The following CACNA2D3 variants were observed in gnomAD, a reference collection of about 807,000 sequenced individuals.
CACNA2D3 encodes the protein voltage-dependent calcium channel subunit alpha-2/delta-3.
Under a neutral mutation model 160.6 loss-of-function variants are expected in CACNA2D3, and 60 were observed. The ratio of observed to expected loss-of-function variants is 0.37; its 90% CI spans 0.30 to 0.46. CACNA2D3 has a LOEUF of 0.46. CACNA2D3 is among the 20% of genes least tolerant of loss of function. The probability of loss-of-function intolerance (pLI) is 1.00; values close to 1 mark genes in which losing one functional copy is unlikely to be tolerated. For missense variants in CACNA2D3, 1,205 were observed against 1,365.0 expected (o/e 0.88, Z 1.85); for synonymous variants, 558 against 492.9 (o/e 1.13, Z -1.75).
chr3:54,350,313 A>G (rs953915894), intron 3 of CACNA2D3, among the ~76,000 whole-genome samples: 1 of 152,202 alleles, frequency 6.6e-6, no homozygotes, highest in Non-Finnish European at 1.5e-5. Context: ...TATTTCAGAT[A>G]AGTATATTTT....
intron 2 of CACNA2D3, among the ~76,000 whole-genome samples, chr3:54,232,889 C>G (rs1287356805): frequency 2.0e-5 from 3 of 152,202 alleles, no homozygotes; most frequent in African/African-American, 7.2e-5. Flanking sequence ...TTGATCTCCA[C>G]TGGGTGCTGG....
chr3:54,861,438 G>C (rs1008683339), intron 17 of CACNA2D3, among the ~76,000 whole-genome samples: 4 of 152,158 alleles, frequency 2.6e-5, no homozygotes. Context: ...AAAGAGGCCA[G>C]AACAGCAAGC....
chr3:54,717,123 C>G (rs992280606), intron 11 of CACNA2D3, among the ~76,000 whole-genome samples: 1 of 152,126 alleles, frequency 6.6e-6, no homozygotes, highest in Non-Finnish European at 1.5e-5. Context: ...TGGTTTCTTT[C>G]ACTCAGTGAC....
At chr3:54,789,870 G>A (rs768195642) in intron 13 of CACNA2D3, 3 of 517,632 alleles carry the variant, frequency 5.8e-6, no homozygotes, top group South Asian at 2.8e-5. Context: ...GTCAGGCCGA[G>A]CAAGTTAAGG....
chr3:54,538,490 G>A (rs1188426667), intron 5 of CACNA2D3, among the ~76,000 whole-genome samples: 1 of 152,116 alleles, frequency 6.6e-6, no homozygotes, highest in Non-Finnish European at 1.5e-5. Context: ...GAGCACCCTT[G>A]CCCCTTCACA....
At position 54,183,892 on chromosome 3, in the gene CACNA2D3, G is replaced by GAAAA. The variant is rs58956795; in HGVS notation, c.204+60323_204+60326dup. ...AAAAGCGAAACTCCGTCTCAAAAAA[G>GAAAA]AAAAAAAAAAAAAAAAAAAAAAAAA... is the stretch of plus-strand genomic sequence containing the variant. On this transcript the variant is annotated intron_variant, in intron 2 of 37. Transcript: ENST00000474759. 3.0e-4 allele frequency among the ~76,000 whole-genome samples: 24 copies of GAAAA among 80,798 alleles called. 1 individual carries two copies. Among genetic ancestry groups the GAAAA allele is most frequent in the South Asian group, 1.2e-3 (2 of 1,706 alleles). The allele number at this position is 80,798 out of a possible 152,430, so 53.0% of individuals were successfully genotyped here.
At chr3:54,188,402 C>T (rs1323664264) in intron 2 of CACNA2D3, among the ~76,000 whole-genome samples, 1 of 152,172 alleles carries the variant, frequency 6.6e-6, no homozygotes, top group African/African-American at 2.4e-5. Flanking sequence ...TAAATCCTTC[C>T]TTGGTGGTTC....
Position 54,897,741 on chromosome 3 carries a change from G to T in CACNA2D3, c.2368+871G>T, listed in dbSNP as rs143881884. 3.5e-3 allele frequency among the ~76,000 whole-genome samples: 538 copies of T among 152,250 alleles called. 4 individuals carry two copies. Among genetic ancestry groups the T allele is most frequent in the African/African-American group, 0.012 (499 of 41,544 alleles). On this transcript the variant is annotated intron_variant, in intron 26 of 37. Coordinates refer to ENST00000474759, the MANE Select transcript of CACNA2D3 (RefSeq NM_018398.3). ...TTTGTGCCCAATCCCCCTCCCTAAG[G>T]CTTGGTGCTTTGTCATTTCCATGAC...
chr3:54,141,147 G>A (rs1277764411), intron 2 of CACNA2D3, among the ~76,000 whole-genome samples: 1 of 149,470 alleles, frequency 6.7e-6, no homozygotes, highest in East Asian at 2.0e-4. Context: ...TAGACTCATG[G>A]TTGTTTAGAT....
chr3:54,408,306 A>G (rs1283714722), intron 4 of CACNA2D3, among the ~76,000 whole-genome samples: 2 of 152,174 alleles, frequency 1.3e-5, no homozygotes, highest in Admixed American at 6.5e-5. Context: ...CTCCAAGCAC[A>G]GAGAACACAT....
chr3:54,262,767 T>A (rs1172768552), intron 2 of CACNA2D3, among the ~76,000 whole-genome samples: 1 of 152,192 alleles, frequency 6.6e-6, no homozygotes, highest in African/African-American at 2.4e-5. Flanking sequence ...ATTACTCAAG[T>A]AATTATGGTT....
rs1246569762 is a variant in CACNA2D3, at chr3:54,687,134, TGTTTTTTTTTTTTTTTG to T, written c.1167+44894_1167+44910del. ...CTTTTTCTTTTTCTTTTTTTTTTTT[TGTTTTTTTTTTTTTTTG>T]TTTTTTTGACACTGGGCCTCACCCT... is the stretch of plus-strand genomic sequence containing the variant. On this transcript the variant is annotated intron_variant, in intron 11 of 37. Coordinates refer to ENST00000474759, the MANE Select transcript of CACNA2D3 (RefSeq NM_018398.3). Among the ~76,000 whole-genome samples, 120 of 58,422 alleles carry T rather than the reference TGTTTTTTTTTTTTTTTG, an allele frequency of 2.1e-3. 4 individuals are homozygous for T. Among genetic ancestry groups the T allele is most frequent in the Middle Eastern group, 0.02 (3 of 150 alleles). The allele number at this position is 58,422 out of a possible 152,430, so 38.3% of individuals were successfully genotyped here. A position where few individuals can be genotyped will look rare whatever the true frequency, so the allele number is the denominator to read the frequency against.
chr3:54,502,157 G>C (rs1195399660), intron 4 of CACNA2D3, among the ~76,000 whole-genome samples: 1 of 152,110 alleles, frequency 6.6e-6, no homozygotes, highest in Non-Finnish European at 1.5e-5. Flanking sequence ...CAACTTCCTT[G>C]ATCTGTAGCT....
intron 11 of CACNA2D3, among the ~76,000 whole-genome samples, chr3:54,726,167 A>G (rs1308914596): frequency 6.6e-6 from 1 of 152,156 alleles, no homozygotes; most frequent in Non-Finnish European, 1.5e-5. Context: ...CACAATTGCT[A>G]CTAAGAGAAT....
intron 2 of CACNA2D3, among the ~76,000 whole-genome samples, chr3:54,231,218 G>A (rs777867405): frequency 2.6e-5 from 4 of 152,244 alleles, no homozygotes; most frequent in East Asian, 1.9e-4. Flanking sequence ...TATTACTGCC[G>A]CATGTCTGAG....
chr3:54,540,204 T>G (rs1316837965), intron 5 of CACNA2D3, among the ~76,000 whole-genome samples: 2 of 152,184 alleles, frequency 1.3e-5, no homozygotes, highest in Non-Finnish European at 2.9e-5. Flanking sequence ...ATGGAAATAA[T>G]GATTTCCTGC....
In CACNA2D3 at chr3:54,651,991, A is replaced by G. The variant is rs566835487; in HGVS notation, c.1167+9750A>G. ...CTGCATTGTTCTCTTCTCTGACTTT[A>G]AAATCATTTTACAAAGCATTTTCTT... On this transcript the variant is annotated intron_variant, in intron 11 of 37. Coordinates refer to ENST00000474759, the MANE Select transcript of CACNA2D3 (RefSeq NM_018398.3). Among the ~76,000 whole-genome samples the G allele has an allele frequency of 2.0e-5, 3 of 152,124 alleles. No individual in the cohort carries two copies. The East Asian group carries it at 5.8e-4, about 29-fold the overall frequency.
At chr3:54,613,604 C>G (rs1439159079) in intron 9 of CACNA2D3, among the ~76,000 whole-genome samples, 1 of 152,216 alleles carries the variant, frequency 6.6e-6, no homozygotes, top group Non-Finnish European at 1.5e-5. Context: ...CATCTTACCT[C>G]TGAGTCTTAA....
At chr3:54,242,283 C>T (rs1337210379) in intron 2 of CACNA2D3, among the ~76,000 whole-genome samples, 2 of 150,138 alleles carry the variant, frequency 1.3e-5, no homozygotes, top group African/African-American at 2.5e-5. Context: ...CAAAAACAAA[C>T]AAACAAACAA....
Sources: allele counts gnomAD v4.1 joint callset (sites outside exome capture counted in the v4.1 genomes callset), GRCh38; gene constraint gnomAD v4.1.1; transcripts MANE v1.5; gene names NCBI Gene and HGNC (gene_info 2026-07-23, HGNC 2026-07-21).